The following RBMS3 variants were observed in gnomAD, a reference collection of about 807,000 sequenced individuals.
RBMS3 encodes RNA binding motif single stranded interacting protein 3, also known as RNA-binding motif, single-stranded-interacting protein 3.
Under a neutral mutation model 66.8 loss-of-function variants are expected in RBMS3, and 27 were observed. The observed-to-expected ratio is 0.40, with a 90% confidence interval of 0.30 to 0.56. The LOEUF is 0.56. RBMS3 is among the 20% of genes least tolerant of loss of function. The probability of loss-of-function intolerance (pLI) is 0.40; values close to 1 mark genes in which losing one functional copy is unlikely to be tolerated. For synonymous variants in RBMS3, 188 were observed against 183.0 expected (o/e 1.03, Z -0.22); for missense variants, 513 against 549.5 (o/e 0.93, Z 0.66).
intron 10 of RBMS3, among the ~76,000 whole-genome samples, chr3:29,927,845 A>G (rs942370429): frequency 6.6e-6 from 1 of 152,164 alleles, no homozygotes; most frequent in Non-Finnish European, 1.5e-5. Context: ...TCTTTTTGAC[A>G]GAGATAATGC....
intron 3 of RBMS3, among the ~76,000 whole-genome samples, chr3:29,578,811 T>C (rs1310263899): frequency 8.0e-6 from 1 of 125,252 alleles, no homozygotes; most frequent in Non-Finnish European, 1.6e-5. Flanking sequence ...TTTTTTTTTT[T>C]TGAGACGGAG....
intron 6 of RBMS3, among the ~76,000 whole-genome samples, chr3:29,777,329 A>G (rs1216486543): frequency 6.6e-6 from 1 of 151,800 alleles, no homozygotes; most frequent in Non-Finnish European, 1.5e-5. Flanking sequence ...TTATTCTTTT[A>G]TCTCCTCCAA....
At chr3:29,787,561 T>A (rs1190685914) in intron 6 of RBMS3, among the ~76,000 whole-genome samples, 3 of 152,198 alleles carry the variant, frequency 2.0e-5, no homozygotes, top group Admixed American at 2.0e-4. Flanking sequence ...AGGATGGAAT[T>A]GGAGACTATT....
At chr3:29,532,926 G>T (rs898079757) in intron 3 of RBMS3, among the ~76,000 whole-genome samples, 1 of 152,080 alleles carries the variant, frequency 6.6e-6, no homozygotes, top group Non-Finnish European at 1.5e-5. Flanking sequence ...TAAGCCACTG[G>T]ATACCTATAT....
chr3:29,288,361 C>T (rs371781750), intron 1 of RBMS3, among the ~76,000 whole-genome samples: 2 of 152,040 alleles, frequency 1.3e-5, no homozygotes, highest in South Asian at 4.1e-4. Flanking sequence ...TTCATCCTTT[C>T]ACACATCTAA....
At chr3:29,472,553 C>T (rs541246704) in intron 2 of RBMS3, among the ~76,000 whole-genome samples, 15 of 151,844 alleles carry the variant, frequency 9.9e-5, no homozygotes, top group African/African-American at 3.1e-4. Context: ...CTTAAGGCGG[C>T]GCGTACCTTC....
chr3:29,865,072 C>T (rs375143220), intron 6 of RBMS3, among the ~76,000 whole-genome samples: 19 of 79,082 alleles, frequency 2.4e-4, no homozygotes, highest in East Asian at 9.0e-4. Context: ...AAGAGAGAGA[C>T]GAAGGAAGGA....
chr3:29,453,526 A>C (rs2042079821), intron 2 of RBMS3, among the ~76,000 whole-genome samples: 1 of 152,124 alleles, frequency 6.6e-6, no homozygotes, highest in Non-Finnish European at 1.5e-5. Context: ...CCCCCAACCC[A>C]GTTAGTAACC....
intron 4 of RBMS3, among the ~76,000 whole-genome samples, chr3:29,700,333 T>C (rs1164820222): frequency 6.6e-6 from 1 of 152,184 alleles, no homozygotes; most frequent in Non-Finnish European, 1.5e-5. Flanking sequence ...GTCTCTTCCA[T>C]ATGTTGCAGA....
intron 3 of RBMS3, among the ~76,000 whole-genome samples, chr3:29,542,154 G>T (rs1481236742): frequency 1.3e-5 from 2 of 152,128 alleles, no homozygotes; most frequent in Non-Finnish European, 2.9e-5. Context: ...AAAGTGGTGG[G>T]TTCTCAAATA....
chr3:29,846,605 C>T (rs1010952854), intron 6 of RBMS3, among the ~76,000 whole-genome samples: 3 of 152,036 alleles, frequency 2.0e-5, no homozygotes, highest in African/African-American at 7.2e-5. Context: ...TGCTATTCAG[C>T]GATGTGATGA....
At chr3:29,400,854 C>A (rs2039777538) in intron 1 of RBMS3, among the ~76,000 whole-genome samples, 1 of 151,980 alleles carries the variant, frequency 6.6e-6, no homozygotes, top group South Asian at 2.1e-4. Flanking sequence ...GAGAATAAGT[C>A]CACTGCTTTG....
At chr3:29,898,004 C>G (rs553712622) in intron 9 of RBMS3, among the ~76,000 whole-genome samples, 7 of 151,644 alleles carry the variant, frequency 4.6e-5, no homozygotes, top group African/African-American at 1.7e-4. Flanking sequence ...ATTCTCAGTT[C>G]CAGAGAGACC....
At chr3:29,590,090 A>T (rs1542414) in intron 4 of RBMS3, among the ~76,000 whole-genome samples, 45,237 of 150,526 alleles carry the variant, frequency 0.3, 7,469 homozygotes, top group African/African-American at 0.45. Flanking sequence ...GAGTTTATTT[A>T]TTTTTTTTTG....
chr3:29,318,215 T>C (rs1428083307), intron 1 of RBMS3, among the ~76,000 whole-genome samples: 1 of 151,914 alleles, frequency 6.6e-6, no homozygotes, highest in Non-Finnish European at 1.5e-5. Flanking sequence ...AAAGCTTGTA[T>C]TTTATGCATC....
At chr3:29,339,299 G>A (rs1239080203) in intron 1 of RBMS3, among the ~76,000 whole-genome samples, 1 of 152,146 alleles carries the variant, frequency 6.6e-6, no homozygotes, top group Non-Finnish European at 1.5e-5. Context: ...ATTTACAAAT[G>A]AAAATCTTGG....
chr3:29,541,610 G>A (rs1236497551), intron 3 of RBMS3, among the ~76,000 whole-genome samples: 2 of 152,062 alleles, frequency 1.3e-5, no homozygotes, highest in Admixed American at 6.6e-5. Context: ...TTGGTGTCTG[G>A]CTTCATCCCT....
chr3:29,949,459 T>A (rs1405284178), intron 12 of RBMS3, among the ~76,000 whole-genome samples: 3 of 151,872 alleles, frequency 2.0e-5, no homozygotes, highest in African/African-American at 7.2e-5. Flanking sequence ...GAATTTGGTC[T>A]GTGTGCTATA....
intron 2 of RBMS3, among the ~76,000 whole-genome samples, chr3:29,473,832 C>A (rs1374405220): frequency 6.6e-6 from 1 of 152,256 alleles, no homozygotes; most frequent in Non-Finnish European, 1.5e-5. Context: ...ACCTGGAAGT[C>A]CAGCTGTCCC....
Sources: gnomAD v4.1 joint callset for allele counts (sites outside exome capture counted in the v4.1 genomes callset) on GRCh38, gnomAD v4.1.1 for gene constraint, MANE v1.5 for transcripts, NCBI Gene and HGNC (gene_info 2026-07-23, HGNC 2026-07-21) for gene names.